Variants in PPL observed in about 807,000 individuals in gnomAD.
The protein encoded by PPL is 190 kDa paraneoplastic pemphigus antigen.
Under a neutral mutation model 194.4 loss-of-function variants are expected in PPL, and 198 were observed. The observed-to-expected ratio is 1.02, with a 90% CI of 0.91 to 1.15. The LOEUF (loss-of-function observed/expected upper bound fraction) is 1.15, where lower values mean the gene tolerates loss of function less well. PPL is among the 50% of genes most tolerant of loss of function. The pLI, the probability that PPL is intolerant of heterozygous loss-of-function variation, is 0.00. For synonymous variants in PPL, 1,220 were observed against 972.4 expected, an observed-to-expected ratio of 1.25 and a Z score of -4.74; for missense variants, 2,885 against 2,294.8, an observed-to-expected ratio of 1.26 and a Z score of -5.25.
At chr16:4,924,978 G>T (rs1486114037) in intron 1 of PPL, among the ~76,000 whole-genome samples, 3 of 152,228 alleles carry the variant, frequency 2.0e-5, no homozygotes, top group Non-Finnish European at 4.4e-5. Context: ...CTCCTCCCAT[G>T]TGTGGACACA....
intron 12 of PPL, 190 bp from the exon 13 acceptor site, chr16:4,893,828 C>G (rs1202524894): frequency 3.4e-6 from 2 of 581,614 alleles, no homozygotes; most frequent in East Asian, 5.6e-5. Flanking sequence ...CTCCCTCCTT[C>G]CCTCCTCTTT....
At chr16:4,896,206 C>G (rs2088424362) in intron 9 of PPL, among the ~76,000 whole-genome samples, 1 of 152,192 alleles carries the variant, frequency 6.6e-6, no homozygotes, top group African/African-American at 2.4e-5. Flanking sequence ...CTGAAGCCCC[C>G]ACTGTGCGGC....
At chr16:4,930,610 C>T (rs553693334) in intron 1 of PPL, among the ~76,000 whole-genome samples, 1 of 152,302 alleles carries the variant, frequency 6.6e-6, no homozygotes, top group Non-Finnish European at 1.5e-5. Flanking sequence ...CATGTGGCTA[C>T]CCCGGAGTCA....
chr16:4,901,008 C>T lies in PPL; in HGVS notation c.520G>A (p.Glu174Lys), dbSNP rs781558877. Residue 174 changes from glutamate to lysine, a missense_variant, in exon 5 of 22, where the codon GAG (glutamate) becomes AAG (lysine). By Grantham distance (56) the Glu-to-Lys change is moderately conservative. Transcript: ENST00000345988. ...AGGTGGGGCCCGATGGCCTTGACCT[C>T]ATTGTGGAAGATGTTATGCTCCTCC... ...QVEEHNIFHNEVKAIGPHLAK... is the reference protein window; with the variant it reads ...QVEEHNIFHNKVKAIGPHLAK... The T allele has an allele frequency of 6.2e-7, 1 of 1,614,204 alleles. No individual in the cohort carries two copies. The highest frequency in any genetic ancestry group is 8.5e-7 in the Non-Finnish European group (1 of 1,180,042).
chr16:4,928,993 A>G (rs1395298206), intron 1 of PPL, among the ~76,000 whole-genome samples: 1 of 117,240 alleles, frequency 8.5e-6, no homozygotes, highest in African/African-American at 3.2e-5. Context: ...AGCCTGGGCA[A>G]CAAAAGTGAA....
At chr16:4,900,434 C>CCTTTTTTTTTTTT (rs1457527716) in intron 6 of PPL, among the ~76,000 whole-genome samples, 1 of 61,678 alleles carries the variant, frequency 1.6e-5, no homozygotes, top group Non-Finnish European at 3.1e-5. Context: ...TACTGCACGC[C>CCTTTTTTTTTTTT]TTTTTTTTTT....
chr16:4,899,482 G>T (rs922224588), intron 6 of PPL, 98 bp from the exon 7 acceptor site: 3 of 1,478,908 alleles, frequency 2.0e-6, no homozygotes, highest in African/African-American at 2.8e-5. Context: ...TGGCTGGCCT[G>T]AGGACAAGCC....
chr16:4,884,397 C>A lies in PPL; in HGVS notation c.4258G>T (p.Val1420Leu), dbSNP rs893519215. 6.2e-7 allele frequency: 1 copy of A among 1,609,306 alleles called. No homozygotes were observed. Residue 1420 changes from valine to leucine, a missense_variant, in exon 22 of 22, where the codon GTA becomes TTA. Physicochemically the swap from Val to Leu is conservative, Grantham distance 32. Coordinates refer to ENST00000345988, the MANE Select transcript of PPL (RefSeq NM_002705.5). This position sits in a 1 kb window ranked among gnomAD's most constrained non-coding sequence, Gnocchi z 5.7. ...RQARREAERE[V>L]QRLQQRLAAL... ...GCCAGCCGCTGCTGCAACCGCTGTACCTCGCGCTCGGCCTCCCTGCGGGCC... is the reference window on the plus strand; with the variant it reads ...GCCAGCCGCTGCTGCAACCGCTGTAACTCGCGCTCGGCCTCCCTGCGGGCC...
At position 4,902,447 on chromosome 16, in the gene PPL, C is replaced by T. The variant is rs754844801; in HGVS notation, c.397G>A (p.Asp133Asn). ...QIYRLAVKEV[D>N]PQVNWAALVE... ...AGTGCCGCCCAGTTGACCTGTGGAT[C>T]CACTTCCTTCACCGCCAGCCTGTAG... The change falls in exon 4 of 22, where the codon GAT (aspartate) becomes AAT (asparagine). Residue 133 changes from aspartate (D) to asparagine (N), a missense_variant. By Grantham distance (23) the Asp-to-Asn change is conservative. Transcript: ENST00000345988. The surrounding 1 kb of genome is among the most constrained non-coding windows in gnomAD (Gnocchi z 4.0). 1 of 1,614,108 alleles carries T rather than the reference C, an allele frequency of 6.2e-7. No individual in the cohort carries two copies. The highest frequency in any genetic ancestry group is 8.5e-7 in the Non-Finnish European group (1 of 1,179,988).
intron 1 of PPL, among the ~76,000 whole-genome samples, chr16:4,930,136 C>T (rs1387454415): frequency 2.0e-5 from 3 of 152,200 alleles, no homozygotes; most frequent in East Asian, 1.9e-4. Context: ...CTTTTCGGGT[C>T]GTGGATACAC....
rs777038521 is a variant in PPL, at chr16:4,893,521, C to T, written c.1492+20G>A. ...TCCCCGGTACCCCCAGAGCCTCAGG[C>T]GAGTGGCCCTGGCACCCACCTCCGG... On this transcript the variant is annotated intron_variant, in intron 13 of 21. Coordinates refer to ENST00000345988, the MANE Select transcript of PPL (RefSeq NM_002705.5). 8.7e-6 allele frequency: 14 copies of T among 1,610,440 alleles called. No individual in the cohort carries two copies. The highest frequency in any genetic ancestry group is 6.7e-5 in the East Asian group (3 of 44,796).
chr16:4,902,921 TCA>T lies in PPL; in HGVS notation c.318-397_318-396del, dbSNP rs2142368846. 6.6e-6 allele frequency among the ~76,000 whole-genome samples: 1 copy of T among 152,260 alleles called. No homozygotes were observed. Among genetic ancestry groups the T allele is most frequent in the East Asian group, 1.9e-4 (1 of 5,156 alleles). On this transcript the variant is annotated intron_variant, in intron 3 of 21. Transcript: ENST00000345988. This position sits in a 1 kb window ranked among gnomAD's most constrained non-coding sequence, Gnocchi z 4.0. ...TCAGGCTGGTCTCGAACTCCTGACC[TCA>T]GGTGATCCGTCCGCTTCGGCCTCCC...
chr16:4,895,216 C>G, intron 11 of PPL, 45 bp downstream of exon 11: 1 of 1,540,950 alleles, frequency 6.5e-7, no homozygotes, highest in Non-Finnish European at 8.8e-7. Context: ...CATGTTACCC[C>G]AAAAACTTTG....
intron 13 of PPL, 38 bp downstream of exon 13, chr16:4,893,490 CCCTCCTCCCCGGT>C (rs1568000921): frequency 6.2e-7 from 1 of 1,602,624 alleles, no homozygotes; most frequent in Admixed American, 1.7e-5. Context: ...CTGGTCCAGC[CCCTCCTCCCCGGT>C]ACCCCCAGAG....
At chr16:4,906,534 T>C (rs2088687521) in intron 2 of PPL, among the ~76,000 whole-genome samples, 1 of 151,992 alleles carries the variant, frequency 6.6e-6, no homozygotes, top group South Asian at 2.1e-4. Flanking sequence ...CTGCTTGGAG[T>C]AGAATTTTAT....
chr16:4,898,494 T>G (rs562835106), intron 8 of PPL, among the ~76,000 whole-genome samples: 1 of 152,256 alleles, frequency 6.6e-6, no homozygotes, highest in African/African-American at 2.4e-5. Context: ...CTAAATCCAC[T>G]GACTGATATC....
chr16:4,899,949 C>A (rs1470231302), intron 6 of PPL, among the ~76,000 whole-genome samples: 1 of 152,168 alleles, frequency 6.6e-6, no homozygotes, highest in Admixed American at 6.5e-5. Context: ...GCCTGATGAA[C>A]TTCTGCAACA....
At chr16:4,913,042 G>T (rs1439166469) in intron 1 of PPL, among the ~76,000 whole-genome samples, 2 of 151,842 alleles carry the variant, frequency 1.3e-5, no homozygotes, top group African/African-American at 2.4e-5. Flanking sequence ...AGGTGGAGGT[G>T]GCAGTGAGCT....
Position 4,900,709 on chromosome 16 carries a change from C to G in PPL, c.606+121G>C, listed in dbSNP as rs949649560. 4 of 1,380,772 alleles carry G rather than the reference C, an allele frequency of 2.9e-6. No homozygotes were observed. The East Asian group carries it at 9.2e-5, about 32-fold the overall frequency. 85.5% of individuals were successfully genotyped at this position (1,380,772 alleles called of 1,614,324 possible). On this transcript the variant is annotated intron_variant, in intron 6 of 21. Transcript: ENST00000345988. Reference sequence around the variant, plus strand: ...TGCCTCTGCCTCCCAAAGTGCTAGGCGTGAGCCACCATGCCCAGCTGCCTA... The same window carrying G: ...TGCCTCTGCCTCCCAAAGTGCTAGGGGTGAGCCACCATGCCCAGCTGCCTA...
Sources: allele counts gnomAD v4.1 joint callset (sites outside exome capture counted in the v4.1 genomes callset), GRCh38; gene constraint gnomAD v4.1.1; non-coding constraint Gnocchi (gnomAD v3.1); transcripts MANE v1.5; gene names NCBI Gene and HGNC (gene_info 2026-07-23, HGNC 2026-07-21).